C8orf34: variants seen among roughly 807,000 people sequenced by gnomAD.
C8orf34 encodes chromosome 8 open reading frame 34.
A neutral mutation model predicts 68.3 loss-of-function variants in C8orf34; 65 were observed. That is an observed-to-expected ratio of 0.95 (90% confidence interval 0.78 to 1.17). The LOEUF (loss-of-function observed/expected upper bound fraction) is 1.17. Ranked by LOEUF, C8orf34 falls within the 50% of genes most tolerant of loss-of-function variation. C8orf34 has a pLI of 0.00. For synonymous variants in C8orf34, 244 were observed against 241.2 expected, an observed-to-expected ratio of 1.01 and a Z score of -0.11; for missense variants, 664 against 655.4, an observed-to-expected ratio of 1.01 and a Z score of -0.14.
intron 4 of C8orf34, among the ~76,000 whole-genome samples, chr8:68,486,914 C>T (rs1813102623): frequency 6.6e-6 from 1 of 152,212 alleles, no homozygotes; most frequent in Non-Finnish European, 1.5e-5. Flanking sequence ...TCGTTCCCTA[C>T]AGGGGTTTGA....
At chr8:68,569,145 T>G (rs763812108) in intron 7 of C8orf34, among the ~76,000 whole-genome samples, 1 of 152,214 alleles carries the variant, frequency 6.6e-6, no homozygotes, top group East Asian at 1.9e-4. Flanking sequence ...GATAAAATCT[T>G]GAATCTTCAC....
At chr8:68,515,860 G>C (rs1814489419) in intron 5 of C8orf34, among the ~76,000 whole-genome samples, 1 of 152,200 alleles carries the variant, frequency 6.6e-6, no homozygotes, top group South Asian at 2.1e-4. Context: ...TACTATGTAT[G>C]AATCAGTTCA....
chr8:68,484,245 C>A (rs575357905), intron 4 of C8orf34, among the ~76,000 whole-genome samples: 1 of 152,328 alleles, frequency 6.6e-6, no homozygotes, highest in Admixed American at 6.5e-5. Flanking sequence ...ATCATGAGAG[C>A]GGCAACAAAG....
At chr8:68,705,820 TGG>T (rs1245764376) in intron 8 of C8orf34, among the ~76,000 whole-genome samples, 1 of 151,906 alleles carries the variant, frequency 6.6e-6, no homozygotes, top group Non-Finnish European at 1.5e-5. Flanking sequence ...AAATACTGGT[TGG>T]GGGGTGATAG....
intron 12 of C8orf34, among the ~76,000 whole-genome samples, chr8:68,789,085 T>C (rs1156296509): frequency 2.6e-5 from 4 of 152,182 alleles, no homozygotes; most frequent in Non-Finnish European, 5.9e-5. Flanking sequence ...CATCCCCCCA[T>C]CTTCCCACAT....
chr8:68,793,923 T>C (rs1018982230), intron 12 of C8orf34, among the ~76,000 whole-genome samples: 6 of 152,130 alleles, frequency 3.9e-5, no homozygotes, highest in Non-Finnish European at 8.8e-5. Context: ...TAAAAATGTA[T>C]TGGTATAAAT....
At chr8:68,703,979 C>A (rs539055935) in intron 8 of C8orf34, among the ~76,000 whole-genome samples, 1 of 152,076 alleles carries the variant, frequency 6.6e-6, no homozygotes, top group Non-Finnish European at 1.5e-5. Context: ...TATACAAAAT[C>A]CCCAATATAG....
intron 7 of C8orf34, among the ~76,000 whole-genome samples, chr8:68,576,304 T>C (rs1039167781): frequency 6.7e-6 from 1 of 148,502 alleles, no homozygotes; most frequent in South Asian, 2.1e-4. Context: ...ATTTGGGACT[T>C]CAAATACTCT....
chr8:68,780,558 A>T (rs533478471), intron 11 of C8orf34, among the ~76,000 whole-genome samples: 12 of 152,302 alleles, frequency 7.9e-5, no homozygotes, highest in African/African-American at 2.9e-4. Context: ...ATTAATTTAT[A>T]CTAATAGCTC....
chr8:68,660,978 GTTTCTTCC>G (rs1306674966), intron 8 of C8orf34, among the ~76,000 whole-genome samples: 4 of 152,270 alleles, frequency 2.6e-5, no homozygotes, highest in African/African-American at 4.8e-5. Context: ...TATGCAAATA[GTTTCTTCC>G]AACAGGGAGA....
chr8:68,480,201 C>T (rs1812800199), intron 4 of C8orf34, among the ~76,000 whole-genome samples: 1 of 152,140 alleles, frequency 6.6e-6, no homozygotes, highest in Admixed American at 6.5e-5. Context: ...CTGTGCTATT[C>T]TCATGCTAGT....
At chr8:68,703,181 A>G (rs1034845330) in intron 8 of C8orf34, among the ~76,000 whole-genome samples, 3 of 152,194 alleles carry the variant, frequency 2.0e-5, no homozygotes, top group Non-Finnish European at 2.9e-5. Flanking sequence ...AGGTACTATC[A>G]TAGGCTCTGT....
intron 8 of C8orf34, among the ~76,000 whole-genome samples, chr8:68,654,241 CT>C (rs1465224177): frequency 1.3e-5 from 2 of 152,134 alleles, no homozygotes; most frequent in Non-Finnish European, 2.9e-5. Flanking sequence ...CTGCCGCCAC[CT>C]TGATTTAGAC....
At chr8:68,556,974 A>G (rs954397850) in intron 7 of C8orf34, among the ~76,000 whole-genome samples, 2 of 152,058 alleles carry the variant, frequency 1.3e-5, no homozygotes, top group African/African-American at 4.8e-5. Context: ...TTAAACCTGA[A>G]TTTTCTTAAC....
chr8:68,565,379 A>G (rs1030881742), intron 7 of C8orf34, among the ~76,000 whole-genome samples: 15 of 152,144 alleles, frequency 9.9e-5, no homozygotes, highest in East Asian at 3.9e-4. Context: ...TGCTTGTCCA[A>G]TGGTTACAGG....
At chr8:68,630,265 C>T (rs1818652546) in intron 7 of C8orf34, among the ~76,000 whole-genome samples, 1 of 151,930 alleles carries the variant, frequency 6.6e-6, no homozygotes, top group African/African-American at 2.4e-5. Flanking sequence ...TTTAATAGCA[C>T]ATTTTATTTA....
At chr8:68,583,039 A>T (rs142956935) in intron 7 of C8orf34, among the ~76,000 whole-genome samples, 1 of 152,164 alleles carries the variant, frequency 6.6e-6, no homozygotes, top group African/African-American at 2.4e-5. Flanking sequence ...AATTTTCATT[A>T]TAAATGTAAG....
intron 1 of C8orf34, among the ~76,000 whole-genome samples, chr8:68,436,484 C>T (rs1415130434): frequency 2.6e-5 from 4 of 152,132 alleles, no homozygotes; most frequent in Admixed American, 6.5e-5. Flanking sequence ...AAAATGTCCA[C>T]AAACATTTTG....
At chr8:68,640,198 C>G (rs1205597963) in intron 7 of C8orf34, among the ~76,000 whole-genome samples, 178 bp from the exon 8 acceptor site, 2 of 152,158 alleles carry the variant, frequency 1.3e-5, no homozygotes, top group East Asian at 3.9e-4. Flanking sequence ...CATAATTTGT[C>G]TCCAACTACG....
Sources: allele counts gnomAD v4.1 joint callset (sites outside exome capture counted in the v4.1 genomes callset), GRCh38; gene constraint gnomAD v4.1.1; transcripts MANE v1.5; gene names NCBI Gene and HGNC (gene_info 2026-07-23, HGNC 2026-07-21).